BAG6: variants seen among roughly 807,000 people sequenced by gnomAD.
The protein encoded by BAG6 is BAG cochaperone 6, also known as large proline-rich protein BAG6.
Under a neutral mutation model 121.0 loss-of-function variants are expected in BAG6, and 22 were observed. That is an observed-to-expected ratio of 0.18 (90% confidence interval 0.13 to 0.26). BAG6 has a LOEUF of 0.26. BAG6 is among the 10% of genes least tolerant of loss of function. BAG6 has a pLI of 1.00. For missense variants in BAG6, 1,233 were observed against 1,537.7 expected, an observed-to-expected ratio of 0.80 and a Z score of 3.31; for synonymous variants, 583 against 584.6, an observed-to-expected ratio of 1.00 and a Z score of 0.04.
chr6:31,650,040 G>A (rs557444707), intron 2 of BAG6, among the ~76,000 whole-genome samples: 148 of 152,282 alleles, frequency 9.7e-4, no homozygotes, highest in African/African-American at 3.2e-3. Context: ...GGCGGAGGTT[G>A]CAGTGAGCCG....
Position 31,648,894 on chromosome 6 carries a change from C to A in BAG6, c.477+17G>T, listed in dbSNP as rs540460491. Reference sequence around the variant, plus strand: ...CTCCCAGATCCCCTTCCCTGACCCTCGGAGGCCCCTCAATACCTGAATCGG... The same window carrying A: ...CTCCCAGATCCCCTTCCCTGACCCTAGGAGGCCCCTCAATACCTGAATCGG... On this transcript the variant is annotated intron_variant, in intron 5 of 25. Transcript: ENST00000676615. The A allele has an allele frequency of 2.6e-6, 4 of 1,545,076 alleles. No individual in the cohort carries two copies. In the South Asian group the frequency reaches 3.8e-5, roughly 15 times the overall value.
In BAG6 at chr6:31,641,258, G is replaced by T; in HGVS notation, c.2663-30C>A. 1.2e-6 allele frequency: 2 copies of T among 1,614,028 alleles called. No individual in the cohort carries two copies. Among genetic ancestry groups the T allele is most frequent in the Non-Finnish European group, 1.7e-6 (2 of 1,179,900 alleles). The stretch of plus-strand genomic sequence containing the variant: ...GGGCAAAATACAAGGAGGGAATGCT[G>T]GCACGTGGCAGCCCTGCACATGCAA... On this transcript the variant is annotated intron_variant, in intron 19 of 25. Transcript: ENST00000676615. The surrounding 1 kb of genome is among the most constrained non-coding windows in gnomAD (Gnocchi z 5.7).
rs1561913876 is a variant in BAG6 at position 31,644,367 on chromosome 6, CGTGCAT to C, written c.1489_1494del (p.Met497_His498del). 1.9e-6 allele frequency: 3 copies of C among 1,551,618 alleles called. No individual in the cohort carries two copies. The Admixed American group carries it at 5.9e-5, about 30-fold the overall frequency. On this transcript the variant is annotated inframe_deletion, in exon 12 of 26. Transcript: ENST00000676615. This position sits in a 1 kb window ranked among gnomAD's most constrained non-coding sequence, Gnocchi z 4.9. ...TGATGAGTGATCTGGTGGGCGACGG[CGTGCAT>C]GAACTCAGGGGGCAGGGAGGGCAGC... is the stretch of plus-strand genomic sequence containing the variant.
At chr6:31,646,582 G>C in intron 7 of BAG6, 59 bp from the exon 8 acceptor site, 1 of 1,593,608 alleles carries the variant, frequency 6.3e-7, no homozygotes, top group Admixed American at 1.7e-5. Context: ...CACCCTCACA[G>C]TCAACAGGGA....
intron 14 of BAG6, among the ~76,000 whole-genome samples, chr6:31,643,486 G>A (rs1427094890): frequency 6.6e-6 from 1 of 151,904 alleles, no homozygotes; most frequent in South Asian, 2.1e-4. Flanking sequence ...CACTTTGGGA[G>A]GCCAAGGTGG....
In BAG6 at chr6:31,646,542, G is replaced by C. The variant is rs761245574; in HGVS notation, c.789-19C>G. ...AGGATGGCTGTGGACAAACCCAAGGGGCAATGAGCCAAAGCCTTCCTCAGA... is the reference window on the plus strand; with the variant it reads ...AGGATGGCTGTGGACAAACCCAAGGCGCAATGAGCCAAAGCCTTCCTCAGA... On this transcript the variant is annotated intron_variant, in intron 7 of 25. Transcript: ENST00000676615. The C allele has an allele frequency of 1.2e-6, 2 of 1,610,738 alleles. No individual in the cohort carries two copies. The highest frequency in any genetic ancestry group is 2.2e-5 in the East Asian group (1 of 44,834).
At position 31,651,791 on chromosome 6, in the gene BAG6, A is replaced by C. The variant is rs987554359; in HGVS notation, c.-13-15T>G. 6.2e-6 allele frequency: 10 copies of C among 1,602,046 alleles called. No individual in the cohort carries two copies. Among genetic ancestry groups the C allele is most frequent in the Non-Finnish European group, 8.5e-6 (10 of 1,170,250 alleles). On this transcript the variant is annotated splice_polypyrimidine_tract_variant and intron_variant, in intron 1 of 25. Transcript: ENST00000676615. ...CCGACAGGTCTCTAAAGAAGAACGA[A>C]GGAAGGAAGGCCCGCTGTTGCCCAG...
chr6:31,644,974 G>A lies in BAG6; in HGVS notation c.1341C>T (p.Pro447=), dbSNP rs767781873. ...VIRISHQSVE[P]VVMMHMNIQD... ...GAATGTTCATGTGCATCATGACCAC[G>A]GGTTCCACACTCTGGTGGGAAATCC... The change falls in exon 10 of 26, where the codon CCC becomes CCT. Residue 447 remains proline, a synonymous_variant. Coordinates refer to ENST00000676615, the MANE Select transcript of BAG6 (RefSeq NM_001387994.1). This position sits in a 1 kb window ranked among gnomAD's most constrained non-coding sequence, Gnocchi z 4.9. 5.6e-6 allele frequency: 9 copies of A among 1,598,438 alleles called. No homozygotes were observed. Among genetic ancestry groups the A allele is most frequent in the South Asian group, 3.4e-5 (3 of 89,540 alleles).
intron 6 of BAG6, among the ~76,000 whole-genome samples, chr6:31,648,207 G>A (rs891527332): frequency 2.6e-5 from 4 of 152,018 alleles, no homozygotes; most frequent in East Asian, 3.9e-4. Flanking sequence ...GTAGAGACAG[G>A]GTTTCACCAT....
Position 31,641,669 on chromosome 6 carries a change from G to A in BAG6, c.2506-77C>T. ...TTCCACCTCGACCCCAACAAGTCCA[G>A]GGCTTGTGTGGGGGCAATTGGAGCT... On this transcript the variant is annotated intron_variant, in intron 17 of 25. Coordinates refer to ENST00000676615, the MANE Select transcript of BAG6 (RefSeq NM_001387994.1). This position sits in a 1 kb window ranked among gnomAD's most constrained non-coding sequence, Gnocchi z 5.7. 1 of 1,610,110 alleles carries A rather than the reference G, an allele frequency of 6.2e-7. No homozygotes were observed. The highest frequency in any genetic ancestry group is 1.1e-5 in the South Asian group (1 of 91,002).
chr6:31,646,048 C>A (rs994700177), intron 8 of BAG6, among the ~76,000 whole-genome samples: 2 of 152,180 alleles, frequency 1.3e-5, no homozygotes, highest in African/African-American at 2.4e-5. Flanking sequence ...TGCAGTAGTG[C>A]AATCTCGGCT....
chr6:31,646,344 T>C, intron 8 of BAG6, 50 bp downstream of exon 8: 1 of 1,592,190 alleles, frequency 6.3e-7, no homozygotes, highest in Non-Finnish European at 8.6e-7. Context: ...CTGTTCTGTT[T>C]TGGGAGTACT....
chr6:31,647,744 G>A lies in BAG6; in HGVS notation c.635C>T (p.Ser212Phe). 1.2e-6 allele frequency: 2 copies of A among 1,605,632 alleles called. No homozygotes were observed. The highest frequency in any genetic ancestry group is 1.7e-5 in the Admixed American group (1 of 57,930). ...AVTPEPVALSSQTSEPVESEA... is the reference protein window; with the variant it reads ...AVTPEPVALSFQTSEPVESEA... The stretch of plus-strand genomic sequence containing the variant: ...ACTTTCAACTGGTTCTGATGTTTGA[G>A]AGCTCAAGGCTACTGGCTCCGGGGT... The change falls in exon 7 of 26, where the codon TCT becomes TTT. Residue 212 changes from serine to phenylalanine, a missense_variant. This residue lies in a region of BAG6 where 777 missense variants were observed against 861.4 expected (regional missense o/e 0.90). Transcript: ENST00000676615.
chr6:31,651,084 T>G (rs756966126), intron 2 of BAG6, among the ~76,000 whole-genome samples: 54 of 152,334 alleles, frequency 3.5e-4, no homozygotes, highest in Admixed American at 2.9e-3. Context: ...GCCTGTCCCT[T>G]TGGGTTGGGG....
chr6:31,644,919 G>T lies in BAG6; in HGVS notation c.1369+27C>A. 1 of 1,551,020 alleles carries T rather than the reference G, an allele frequency of 6.4e-7. No homozygotes were observed. Among genetic ancestry groups the T allele is most frequent in the Non-Finnish European group, 8.7e-7 (1 of 1,147,128 alleles). ...GAACCTCCCTCATCATGCTGATCCT[G>T]CTCTTCTCGCCAGCAACTATTCTCA... On this transcript the variant is annotated intron_variant, in intron 10 of 25. Transcript: ENST00000676615. This position sits in a 1 kb window ranked among gnomAD's most constrained non-coding sequence, Gnocchi z 4.9.
intron 1 of BAG6, 106 bp from the exon 2 acceptor site, chr6:31,651,882 GCA>G (rs563216576): frequency 4.0e-5 from 29 of 728,930 alleles, no homozygotes; most frequent in South Asian, 6.2e-5. Flanking sequence ...AGTTTCTCCT[GCA>G]CACACACACA....
chr6:31,647,505 T>C (rs1791119702), intron 7 of BAG6, 86 bp downstream of exon 7: 2 of 1,576,058 alleles, frequency 1.3e-6, no homozygotes. Flanking sequence ...CAAGTAATCC[T>C]TTCCCTCCCT....
rs761202190 is a variant in BAG6, at chr6:31,644,283, A to C, written c.1555+24T>G. The C allele has an allele frequency of 5.4e-5, 84 of 1,554,012 alleles. 1 individual carries two copies. Among genetic ancestry groups the C allele is most frequent in the Non-Finnish European group, 6.5e-5 (75 of 1,148,314 alleles). On this transcript the variant is annotated intron_variant, in intron 12 of 25. Transcript: ENST00000676615. This position sits in a 1 kb window ranked among gnomAD's most constrained non-coding sequence, Gnocchi z 4.9. ...CACCATGGACTGTGCCCTACCTCCC[A>C]AGCCTCCCCTTCCAGGTCATTACCT...
intron 5 of BAG6, 26 bp from the exon 6 acceptor site, chr6:31,648,777 G>T (rs774075397): frequency 1.9e-6 from 3 of 1,613,362 alleles, no homozygotes; most frequent in Non-Finnish European, 2.5e-6. Context: ...GTTTATCAGG[G>T]TAGGTTACAG....
Sources: allele counts gnomAD v4.1 joint callset (sites outside exome capture counted in the v4.1 genomes callset), GRCh38; gene constraint gnomAD v4.1.1; regional missense constraint gnomAD v4.1.1; non-coding constraint Gnocchi (gnomAD v3.1); transcripts MANE v1.5; gene names NCBI Gene and HGNC (gene_info 2026-07-23, HGNC 2026-07-21).